The following IGF1 variants were observed in gnomAD, a reference collection of about 807,000 sequenced individuals.
The protein encoded by IGF1 is insulin-like growth factor 1.
Under a neutral mutation model 13.8 loss-of-function variants are expected in IGF1, and 4 were observed. The ratio of observed to expected loss-of-function variants is 0.29; its 90% CI spans 0.14 to 0.66. The LOEUF is 0.66. IGF1 is among the 30% of genes least tolerant of loss of function. IGF1 has a pLI of 0.78. For missense variants in IGF1, 124 were observed against 188.5 expected (o/e 0.66, Z 2.00); for synonymous variants, 76 against 72.6 (o/e 1.05, Z -0.23).
At chr12:102,456,672 A>G (rs972399346) in intron 2 of IGF1, among the ~76,000 whole-genome samples, 11 of 152,172 alleles carry the variant, frequency 7.2e-5, no homozygotes, top group Non-Finnish European at 1.6e-4. Flanking sequence ...CGAGAGATGT[A>G]TTTAATTAAC....
intron 2 of IGF1, among the ~76,000 whole-genome samples, chr12:102,441,961 T>TCTTCTTCTTCTTC (rs1592786145): frequency 4.3e-4 from 6 of 13,996 alleles, no homozygotes; most frequent in South Asian, 1.8e-3. Context: ...TCTTCTTTTT[T>TCTTCTTCTTCTTC]TTTTTTGAGA....
intron 2 of IGF1, among the ~76,000 whole-genome samples, chr12:102,455,921 C>A (rs182011033): frequency 1.3e-5 from 2 of 152,154 alleles, no homozygotes; most frequent in Non-Finnish European, 2.9e-5. Flanking sequence ...CATTGGATAT[C>A]GCTTCCTGGA....
rs5742695 is a variant in IGF1, at chr12:102,405,313, C to T, written c.403-2747G>A. 0.024 allele frequency among the ~76,000 whole-genome samples: 3,609 copies of T among 150,548 alleles called. 239 individuals carry two copies. The East Asian group carries it at 0.24, about 10-fold the overall frequency. On this transcript the variant is annotated intron_variant, in intron 3 of 3. Transcript: ENST00000337514. ...ATGTTGGCCAGGCTGGTCTTGAACTCCTGACCTCAGGTGATCTGCCTGCCT... is the reference window on the plus strand; with the variant it reads ...ATGTTGGCCAGGCTGGTCTTGAACTTCTGACCTCAGGTGATCTGCCTGCCT...
chr12:102,436,083 G>A (rs940272179), intron 2 of IGF1, among the ~76,000 whole-genome samples: 2 of 152,344 alleles, frequency 1.3e-5, no homozygotes, highest in African/African-American at 4.8e-5. Context: ...GTATCTATAT[G>A]TCAGTCTAGT....
rs527771683 is a variant in IGF1, at chr12:102,422,655, A to G, written c.221-2965T>C. Among the ~76,000 whole-genome samples, 7 of 152,108 alleles carry G rather than the reference A, an allele frequency of 4.6e-5. No individual in the cohort carries two copies. In the East Asian group the frequency reaches 1.2e-3, roughly 25 times the overall value. On this transcript the variant is annotated intron_variant, in intron 2 of 3. Transcript: ENST00000337514. Reference sequence around the variant, plus strand: ...CCTGATACAATGTAATTTATTAGAAAGCTAATAAAACAATTGGCTTCAGTA... The same window carrying G: ...CCTGATACAATGTAATTTATTAGAAGGCTAATAAAACAATTGGCTTCAGTA...
rs572893121 is a variant in IGF1, at chr12:102,436,221, T to C, written c.221-16531A>G. 2.6e-5 allele frequency among the ~76,000 whole-genome samples: 4 copies of C among 152,328 alleles called. No homozygotes were observed. In the South Asian group the frequency reaches 8.3e-4, roughly 32 times the overall value. ...CCCTGAGTTTTTTATTTGCACAGTC[T>C]GTGTCCTTTTGAATTCCAGCTAGCA... On this transcript the variant is annotated intron_variant, in intron 2 of 3. Transcript: ENST00000337514.
intron 2 of IGF1, chr12:102,462,653 G>A (rs1040704057): frequency 1.3e-5 from 2 of 152,156 alleles, no homozygotes; most frequent in Non-Finnish European, 2.9e-5. Context: ...CTTAAGGGAA[G>A]CCTGAAATGA....
chr12:102,448,545 G>C (rs377669952), intron 2 of IGF1, among the ~76,000 whole-genome samples: 24 of 108,724 alleles, frequency 2.2e-4, no homozygotes, highest in Middle Eastern at 9.9e-3. Flanking sequence ...GTGGTGGGGT[G>C]GGGGGAGGGG....
intron 2 of IGF1, among the ~76,000 whole-genome samples, chr12:102,456,436 T>C (rs1322973571): frequency 2.6e-5 from 4 of 152,152 alleles, no homozygotes; most frequent in African/African-American, 9.7e-5. Flanking sequence ...TGTAATAATA[T>C]TTTGTCAGAA....
intron 2 of IGF1, among the ~76,000 whole-genome samples, chr12:102,426,052 C>G (rs1281391576): frequency 1.3e-5 from 2 of 152,154 alleles, no homozygotes; most frequent in Non-Finnish European, 2.9e-5. Flanking sequence ...TATAAGTTAG[C>G]TACCATTTTC....
intron 2 of IGF1, among the ~76,000 whole-genome samples, chr12:102,437,944 T>G (rs10860865): frequency 0.7 from 105,925 of 152,018 alleles, 37,185 homozygotes; most frequent in Admixed American, 0.76. Flanking sequence ...AACACCAAGA[T>G]GTCAATATGA....
At chr12:102,441,906 G>GCTGCTGCTGCTTCTTCTTCTTCTTCTT in intron 2 of IGF1, among the ~76,000 whole-genome samples, 3,858 of 99,548 alleles carry the variant, frequency 0.039, 487 homozygotes, top group Middle Eastern at 0.049. Context: ...CTATTACACT[G>GCTGCTGCTGCTTCTTCTTCTTCTTCTT]CTTCTTCTCC....
rs117601172 is a variant in IGF1 at position 102,463,820 on chromosome 12, T to A, written c.220+11823A>T. On this transcript the variant is annotated intron_variant, in intron 2 of 3. Coordinates refer to ENST00000337514, the MANE Select transcript of IGF1 (RefSeq NM_000618.5). ...AGCTCTGGACCAAGCATGAGGTGAC[T>A]GAAATGTAGCCTTGGCTTTCCGACC... Among the ~76,000 whole-genome samples the A allele has an allele frequency of 2.4e-3, 358 of 152,306 alleles. 2 individuals carry two copies. The highest frequency in any genetic ancestry group is 2.9e-3 in the Non-Finnish European group (199 of 68,016).
intron 2 of IGF1, among the ~76,000 whole-genome samples, chr12:102,454,258 G>A (rs975963881): frequency 1.3e-5 from 2 of 152,166 alleles, no homozygotes; most frequent in Non-Finnish European, 2.9e-5. Context: ...TACTCTCACA[G>A]CACTTCACAG....
chr12:102,475,509 A>C (rs2137274095), intron 2 of IGF1, 134 bp downstream of exon 2: 1 of 991,096 alleles, frequency 1.0e-6, no homozygotes, highest in Non-Finnish European at 1.6e-6. Context: ...CTTTAAGGTG[A>C]GGAATCTCAG....
intron 2 of IGF1, 47 bp from the exon 3 acceptor site, chr12:102,419,737 T>G: frequency 6.3e-7 from 1 of 1,584,424 alleles, no homozygotes; most frequent in Non-Finnish European, 8.6e-7. Context: ...GCAATCTGCT[T>G]TCTTCAGTCT....
chr12:102,478,488 G>GTA, intron 1 of IGF1: 2 of 1,609,108 alleles, frequency 1.2e-6, no homozygotes, highest in South Asian at 2.2e-5. Context: ...AATACTCACT[G>GTA]TAGGTGTAAT....
chr12:102,451,443 T>C (rs904013048), intron 2 of IGF1, among the ~76,000 whole-genome samples: 5 of 152,226 alleles, frequency 3.3e-5, no homozygotes, highest in African/African-American at 1.2e-4. Flanking sequence ...TGCTAAGATG[T>C]AGGCCTGTGG....
At chr12:102,432,317 T>G (rs1288740277) in intron 2 of IGF1, among the ~76,000 whole-genome samples, 1 of 152,250 alleles carries the variant, frequency 6.6e-6, no homozygotes, top group Non-Finnish European at 1.5e-5. Flanking sequence ...TTTAGGCTAT[T>G]TCTAGTTTTA....
Sources: allele counts gnomAD v4.1 joint callset (sites outside exome capture counted in the v4.1 genomes callset), GRCh38; gene constraint gnomAD v4.1.1; transcripts MANE v1.5; gene names NCBI Gene and HGNC (gene_info 2026-07-23, HGNC 2026-07-21).